The following DGCR2 variants were observed in gnomAD, a reference collection of about 807,000 sequenced individuals.
DGCR2 encodes DiGeorge syndrome critical region gene 2, also known as integral membrane protein DGCR2/IDD.
In DGCR2, 24 loss-of-function variants were observed where a neutral mutation model predicts 51.6. That is an observed-to-expected ratio of 0.47 (90% confidence interval 0.34 to 0.65). The LOEUF (loss-of-function observed/expected upper bound fraction) is 0.65, where lower values mean the gene tolerates loss of function less well. DGCR2 is among the 30% of genes least tolerant of loss of function. The pLI is 0.01. For missense variants in DGCR2, 765 were observed against 772.1 expected, an observed-to-expected ratio of 0.99 and a Z score of 0.11; for synonymous variants, 340 against 315.4, an observed-to-expected ratio of 1.08 and a Z score of -0.82.
intron 7 of DGCR2, among the ~76,000 whole-genome samples, chr22:19,043,854 G>A (rs997048132): frequency 6.6e-6 from 1 of 152,216 alleles, no homozygotes; most frequent in African/African-American, 2.4e-5. Flanking sequence ...GGGCCAGGAA[G>A]CATCTCCAAA....
At chr22:19,056,846 G>A (rs1201460746) in intron 6 of DGCR2, 140 bp downstream of exon 6, 1 of 954,040 alleles carries the variant, frequency 1.0e-6, no homozygotes, top group Non-Finnish European at 1.5e-6. Context: ...TGGGCCCCAA[G>A]AACAAGGTGT....
At chr22:19,044,305 T>C (rs60933748) in intron 7 of DGCR2, among the ~76,000 whole-genome samples, 14,368 of 152,194 alleles carry the variant, frequency 0.094, 744 homozygotes, top group Middle Eastern at 0.15. Flanking sequence ...GGCTGTGCAG[T>C]TGGGGTTGTC....
rs552880115 is a variant in DGCR2, at chr22:19,039,402, G to A, written c.1397-281C>T. On this transcript the variant is annotated intron_variant, in intron 9 of 9. Coordinates refer to ENST00000263196, the MANE Select transcript of DGCR2 (RefSeq NM_005137.3). Reference sequence around the variant, plus strand: ...GCAGACACGGGCCTGTCCCACCATCGGTGTGAGGTAGGGGAGACACACTGA... The same window carrying A: ...GCAGACACGGGCCTGTCCCACCATCAGTGTGAGGTAGGGGAGACACACTGA... Among the ~76,000 whole-genome samples the A allele has an allele frequency of 3.9e-5, 6 of 152,308 alleles. No homozygotes were observed. The East Asian group carries it at 9.6e-4, about 24-fold the overall frequency.
Position 19,089,474 on chromosome 22 carries a change from A to G in DGCR2, c.96T>C (p.Pro32=), listed in dbSNP as rs140545762. The G allele has an allele frequency of 4.4e-6, 7 of 1,593,518 alleles. No homozygotes were observed. The Admixed American group carries it at 1.2e-4, about 27-fold the overall frequency. The part of the protein sequence containing the change: ...EPLRPELRCN[P]GQFACRSGTI... ...TGCCGCTGCGACACGCAAACTGCCC[A>G]GGGTTGCACCGCAGCTCTGTGGGAC... Residue 32 remains proline, a synonymous_variant, in exon 2 of 10, where the codon CCT becomes CCC. Coordinates refer to ENST00000263196, the MANE Select transcript of DGCR2 (RefSeq NM_005137.3).
intron 2 of DGCR2, among the ~76,000 whole-genome samples, chr22:19,080,514 T>C (rs1190145200): frequency 6.6e-6 from 1 of 152,210 alleles, no homozygotes; most frequent in African/African-American, 2.4e-5. Flanking sequence ...ATGTGACTCA[T>C]GGCTACTACA....
intron 5 of DGCR2, among the ~76,000 whole-genome samples, chr22:19,062,773 A>ATTCATTCTCTCTC (rs1248707469): frequency 8.8e-6 from 1 of 113,172 alleles, no homozygotes. Context: ...ACACACATGC[A>ATTCATTCTCTCTC]TGCTCACTCT....
At position 19,048,531 on chromosome 22, in the gene DGCR2, CAT is replaced by C. The variant is rs2082515098; in HGVS notation, c.913_914del (p.Met305ValfsTer7). ...SCTCHGGEPE[M>X]CVAALCERPQ... ...GCCTCTCACAGAGAGCAGCCACACACATCTCAGGCTCCCCTCCATGGCAGGTG... is the reference window on the plus strand; with the variant it reads ...GCCTCTCACAGAGAGCAGCCACACACCTCAGGCTCCCCTCCATGGCAGGTG... On this transcript the variant is annotated frameshift_variant, in exon 7 of 10. Transcript: ENST00000263196. LOFTEE classifies it high-confidence loss of function. 6.2e-7 allele frequency: 1 copy of C among 1,614,136 alleles called. No individual in the cohort carries two copies. Among genetic ancestry groups the C allele is most frequent in the African/African-American group, 1.3e-5 (1 of 74,954 alleles).
intron 2 of DGCR2, among the ~76,000 whole-genome samples, chr22:19,082,925 C>A (rs1206403034): frequency 1.3e-5 from 2 of 151,826 alleles, no homozygotes; most frequent in Non-Finnish European, 2.9e-5. Flanking sequence ...ACCGATTCTA[C>A]GAAAACATGC....
chr22:19,078,338 T>C (rs1293424975), intron 2 of DGCR2, among the ~76,000 whole-genome samples: 1 of 152,220 alleles, frequency 6.6e-6, no homozygotes, highest in Admixed American at 6.5e-5. Flanking sequence ...GTAAATGGAA[T>C]TATTTTCTTA....
intron 6 of DGCR2, among the ~76,000 whole-genome samples, chr22:19,051,965 A>AAATCACTCCTACGTTG (rs1228936433): frequency 6.6e-6 from 1 of 152,202 alleles, no homozygotes; most frequent in Non-Finnish European, 1.5e-5. Flanking sequence ...TGGAGAAATT[A>AAATCACTCCTACGTTG]AATCACTCCT....
chr22:19,106,188 G>C (rs1029195494), intron 1 of DGCR2, among the ~76,000 whole-genome samples: 1 of 152,138 alleles, frequency 6.6e-6, no homozygotes, highest in African/African-American at 2.4e-5. Context: ...TGACCATCCT[G>C]CCCTGCCTAT....
intron 1 of DGCR2, among the ~76,000 whole-genome samples, chr22:19,103,183 C>T (rs1198650958): frequency 2.6e-5 from 4 of 151,372 alleles, no homozygotes; most frequent in Non-Finnish European, 5.9e-5. Flanking sequence ...TATGAAATAT[C>T]TAGAATGGGC....
chr22:19,051,862 C>A (rs2082552044), intron 6 of DGCR2, among the ~76,000 whole-genome samples: 1 of 152,136 alleles, frequency 6.6e-6, no homozygotes, highest in Non-Finnish European at 1.5e-5. Context: ...CAAATTGAAA[C>A]CATAAGGAGC....
At chr22:19,108,964 A>G (rs2083287606) in intron 1 of DGCR2, among the ~76,000 whole-genome samples, 1 of 152,100 alleles carries the variant, frequency 6.6e-6, no homozygotes, top group East Asian at 1.9e-4. Flanking sequence ...CCAGGAGGTC[A>G]AGGTTTCAGG....
chr22:19,098,005 C>T (rs1194300350), intron 1 of DGCR2, among the ~76,000 whole-genome samples: 1 of 152,230 alleles, frequency 6.6e-6, no homozygotes, highest in Non-Finnish European at 1.5e-5. Context: ...CCTACAGCTA[C>T]TCCTTACAAC....
Position 19,041,932 on chromosome 22 carries a change from G to A in DGCR2, c.1034C>T (p.Ala345Val). 10 of 1,613,334 alleles carry A rather than the reference G, an allele frequency of 6.2e-6. No homozygotes were observed. Among genetic ancestry groups the A allele is most frequent in the Non-Finnish European group, 8.5e-6 (10 of 1,179,822 alleles). ...PDGNSLFDSM[A>V]SGMRLVVSCI... ...GCTGACGACCAGGCGCATCCCGCTG[G>A]CCATGGAGTCAAACAGACTGTTGCC... The change falls in exon 8 of 10, where the codon GCC becomes GTC. Residue 345 changes from alanine to valine, a missense_variant. Coordinates refer to ENST00000263196, the MANE Select transcript of DGCR2 (RefSeq NM_005137.3).
chr22:19,038,879 T>G lies in DGCR2; in HGVS notation c.1639A>C (p.Asn547His), dbSNP rs752957361. ...GGCCAGGCCGTCTACACCACAGTAT[T>G]GAGGGAGCTGCGGCTGTGGCGGCCA... ...GGGRHSRSSL[N>H]TVV The change falls in exon 10 of 10, where the codon AAT (asparagine) becomes CAT (histidine). Residue 547 changes from asparagine to histidine, a missense_variant. Physicochemically the swap from Asn to His is moderately conservative, Grantham distance 68. Transcript: ENST00000263196. 73 of 1,612,802 alleles carry G rather than the reference T, an allele frequency of 4.5e-5. 1 individual carries two copies. Among genetic ancestry groups the G allele is most frequent in the Non-Finnish European group, 4.0e-5 (47 of 1,179,892 alleles).
intron 7 of DGCR2, among the ~76,000 whole-genome samples, chr22:19,045,555 G>C (rs117907712): frequency 1.6e-4 from 25 of 152,248 alleles, no homozygotes; most frequent in Non-Finnish European, 2.5e-4. Context: ...AAACTACTTT[G>C]GCTATTTTAA....
At position 19,041,834 on chromosome 22, in the gene DGCR2, G is replaced by A. The variant is rs1266016204; in HGVS notation, c.1132C>T (p.Arg378Cys). The A allele has an allele frequency of 1.6e-5, 26 of 1,612,584 alleles. No individual in the cohort carries two copies. The highest frequency in any genetic ancestry group is 4.5e-5 in the East Asian group (2 of 44,888). The change falls in exon 8 of 10, where the codon CGC becomes TGC. Residue 378 changes from arginine (R) to cysteine (C), a missense_variant. By Grantham distance (180) the Arg-to-Cys change is radical (BLOSUM62 -3). Transcript: ENST00000263196. ...VHRLRQRRRE[R>C]IESLIGANLH... Reference sequence around the variant, plus strand: ...TTTGCTCCAATCAGGGACTCGATGCGCTCCCGGCGCCGCTGGCGCAGCCGG... The same window carrying A: ...TTTGCTCCAATCAGGGACTCGATGCACTCCCGGCGCCGCTGGCGCAGCCGG...
Sources: gnomAD v4.1 joint callset for allele counts (sites outside exome capture counted in the v4.1 genomes callset) on GRCh38, gnomAD v4.1.1 for gene constraint, MANE v1.5 for transcripts, NCBI Gene and HGNC (gene_info 2026-07-23, HGNC 2026-07-21) for gene names.